Variants in ZBTB38 observed in about 807,000 individuals in gnomAD.
The protein encoded by ZBTB38 is zinc finger and BTB domain-containing protein 38.
In ZBTB38, 20 loss-of-function variants were observed where a neutral mutation model predicts 76.8. The ratio of observed to expected loss-of-function variants is 0.26; its 90% CI spans 0.18 to 0.38. ZBTB38 has a LOEUF of 0.38. Ranked by LOEUF, ZBTB38 falls within the 10% of genes least tolerant of loss-of-function variation. ZBTB38 has a pLI of 1.00. For synonymous variants in ZBTB38, 504 were observed against 544.2 expected (o/e 0.93, Z 1.03); for missense variants, 1,082 against 1,482.3 (o/e 0.73, Z 4.43).
chr3:141,402,717 G>A (rs1456893537), intron 4 of ZBTB38: 2 of 152,122 alleles, frequency 1.3e-5, no homozygotes, highest in Non-Finnish European at 2.9e-5. Flanking sequence ...CGGCTGGAGA[G>A]TGCGGGCAGG....
Position 141,448,115 on chromosome 3 carries a change from T to C in ZBTB38, c.*2139T>C, listed in dbSNP as rs545968316. The C allele has an allele frequency of 1.3e-5, 2 of 152,744 alleles. No homozygotes were observed. The highest frequency in any genetic ancestry group is 4.1e-4 in the South Asian group (2 of 4,830). 9.5% of individuals were successfully genotyped at this position (152,744 alleles called of 1,614,324 possible). On this transcript the variant is annotated 3_prime_UTR_variant, in exon 6 of 6. Coordinates refer to ENST00000321464, the MANE Select transcript of ZBTB38 (RefSeq NM_001376113.1). ...GTTAATAATATTAATCAAAGACATT[T>C]ACTGTATATTCTAGTCATTTTGATT...
intron 1 of ZBTB38, among the ~76,000 whole-genome samples, chr3:141,330,831 G>A (rs552787260): frequency 5.9e-5 from 9 of 152,270 alleles, no homozygotes; most frequent in African/African-American, 1.4e-4. Flanking sequence ...AGAGAACCTC[G>A]CCATGCGATG....
intron 2 of ZBTB38, among the ~76,000 whole-genome samples, chr3:141,372,792 C>A (rs1056458484): frequency 1.3e-5 from 2 of 152,170 alleles, no homozygotes; most frequent in Non-Finnish European, 2.9e-5. Context: ...GAAGTCCTAG[C>A]CTAACAGAGT....
chr3:141,349,907 C>T (rs1268485937), intron 1 of ZBTB38, among the ~76,000 whole-genome samples: 1 of 151,960 alleles, frequency 6.6e-6, no homozygotes, highest in Non-Finnish European at 1.5e-5. Context: ...AAAGAAAAAT[C>T]AGAGCATTGT....
chr3:141,343,159 G>A (rs1024930834), intron 1 of ZBTB38, among the ~76,000 whole-genome samples: 1 of 152,184 alleles, frequency 6.6e-6, no homozygotes, highest in Admixed American at 6.5e-5. Flanking sequence ...CTGGATCGGA[G>A]GAAGTTTAGG....
intron 1 of ZBTB38, among the ~76,000 whole-genome samples, chr3:141,347,191 C>G (rs1029681016): frequency 5.9e-5 from 9 of 152,204 alleles, no homozygotes; most frequent in African/African-American, 1.2e-4. Context: ...ATCTTAGACT[C>G]TATGCTCCTA....
At chr3:141,336,492 TAC>T (rs1016616842) in intron 1 of ZBTB38, among the ~76,000 whole-genome samples, 4 of 152,182 alleles carry the variant, frequency 2.6e-5, no homozygotes, top group Non-Finnish European at 5.9e-5. Context: ...TTTTTAAATA[TAC>T]AGTTTTCCTT....
chr3:141,437,371 A>AT (rs2079044666), intron 5 of ZBTB38, among the ~76,000 whole-genome samples: 3 of 152,080 alleles, frequency 2.0e-5, no homozygotes, highest in Admixed American at 6.6e-5. Flanking sequence ...TTGAACTCCC[A>AT]TACCTTTTCC....
chr3:141,411,702 G>A (rs1379635508), intron 5 of ZBTB38, among the ~76,000 whole-genome samples: 2 of 151,756 alleles, frequency 1.3e-5, no homozygotes, highest in Non-Finnish European at 2.9e-5. Context: ...ACTAGGGAAA[G>A]AAAAAAAACC....
chr3:141,384,569 C>G (rs1428365020), intron 3 of ZBTB38, among the ~76,000 whole-genome samples: 1 of 152,212 alleles, frequency 6.6e-6, no homozygotes, highest in African/African-American at 2.4e-5. Flanking sequence ...TCCCACCCCA[C>G]TCTAAGGACT....
At chr3:141,440,831 C>T (rs1370663541) in intron 5 of ZBTB38, among the ~76,000 whole-genome samples, 2 of 151,854 alleles carry the variant, frequency 1.3e-5, no homozygotes, top group East Asian at 1.9e-4. Flanking sequence ...GTCAAGAGAT[C>T]GAGACCATCC....
chr3:141,413,203 G>A lies in ZBTB38; in HGVS notation c.-1+9172G>A, dbSNP rs960376263. On this transcript the variant is annotated intron_variant, in intron 5 of 5. Coordinates refer to ENST00000321464, the MANE Select transcript of ZBTB38 (RefSeq NM_001376113.1). This position sits in a 1 kb window ranked among gnomAD's most constrained non-coding sequence, Gnocchi z 4.1. The stretch of plus-strand genomic sequence containing the variant: ...TGATCTCTGTACGCTGGTATTTTGC[G>A]CCTGGAGCCAGGTGTCTGTTGACAG... 7.2e-5 allele frequency among the ~76,000 whole-genome samples: 11 copies of A among 152,196 alleles called. No individual in the cohort carries two copies. The highest frequency in any genetic ancestry group is 3.9e-4 in the Admixed American group (6 of 15,294).
chr3:141,445,752 G>A lies in ZBTB38; in HGVS notation c.3364G>A (p.Gly1122Arg). The change falls in exon 6 of 6, where the codon GGG (glycine) becomes AGG (arginine). Residue 1122 changes from glycine (G) to arginine (R), a missense_variant. Gly to Arg is a moderately radical substitution (Grantham distance 125, BLOSUM62 -2). Transcript: ENST00000321464. This position sits in a 1 kb window ranked among gnomAD's most constrained non-coding sequence, Gnocchi z 6.5. ...GCAGAGGCATATTCGGGAGCATAAT[G>A]GGAAGGGCTATGCCTGCTTCCAGTG... The part of the protein sequence containing the change: ...HEQRHIREHN[G>R]KGYACFQCPK... 1 of 1,614,206 alleles carries A rather than the reference G, an allele frequency of 6.2e-7. No homozygotes were observed. Among genetic ancestry groups the A allele is most frequent in the Non-Finnish European group, 8.5e-7 (1 of 1,180,040 alleles).
At chr3:141,347,619 C>T (rs146986821) in intron 1 of ZBTB38, among the ~76,000 whole-genome samples, 18 of 152,326 alleles carry the variant, frequency 1.2e-4, no homozygotes, top group Admixed American at 2.0e-4. Context: ...ACCTAGGCTC[C>T]GGCTGGGCTC....
chr3:141,437,908 C>G (rs1216809004), intron 5 of ZBTB38, among the ~76,000 whole-genome samples: 1 of 151,930 alleles, frequency 6.6e-6, no homozygotes, highest in Non-Finnish European at 1.5e-5. Flanking sequence ...TTTTCTTTTT[C>G]TTTTATTTAT....
At chr3:141,392,933 C>T (rs1949321396) in intron 4 of ZBTB38, 1 of 152,184 alleles carries the variant, frequency 6.6e-6, no homozygotes, top group Admixed American at 6.5e-5. Flanking sequence ...ATGCCACTGC[C>T]TTAGCCTAAA....
chr3:141,425,180 C>T (rs1022596784), intron 5 of ZBTB38, among the ~76,000 whole-genome samples: 1 of 152,186 alleles, frequency 6.6e-6, no homozygotes, highest in Non-Finnish European at 1.5e-5. Context: ...AAGTATCTAT[C>T]GTAGAGCCCT....
At chr3:141,367,806 TA>T (rs1944026566), upstream of ZBTB38, 1 of 152,258 alleles carries the variant, frequency 6.6e-6, no homozygotes, top group Non-Finnish European at 1.5e-5. Flanking sequence ...ATGTTCACTC[TA>T]AGTATTTAAT....
chr3:141,364,657 A>G (rs1250823767), upstream of ZBTB38, among the ~76,000 whole-genome samples: 1 of 139,574 alleles, frequency 7.2e-6, no homozygotes, highest in East Asian at 2.2e-4. Flanking sequence ...AGCTGAGGCA[A>G]TAAGAGGGAA....
Sources: allele counts gnomAD v4.1 joint callset (sites outside exome capture counted in the v4.1 genomes callset), GRCh38; gene constraint gnomAD v4.1.1; non-coding constraint Gnocchi (gnomAD v3.1); transcripts MANE v1.5; gene names NCBI Gene and HGNC (gene_info 2026-07-23, HGNC 2026-07-21).